Variants in HS2ST1 observed in about 807,000 individuals in gnomAD.
The protein encoded by HS2ST1 is heparan sulfate 2-O-sulfotransferase 1, also known as 2-O-sulfotransferase.
Under a neutral mutation model 42.9 loss-of-function variants are expected in HS2ST1, and 18 were observed. The observed-to-expected ratio is 0.42, with a 90% CI of 0.29 to 0.62. The LOEUF (loss-of-function observed/expected upper bound fraction) is 0.62. HS2ST1 is among the 20% of genes least tolerant of loss of function. The probability of loss-of-function intolerance (pLI) is 0.21; values close to 1 mark genes in which losing one functional copy is unlikely to be tolerated. For synonymous variants in HS2ST1, 146 were observed against 152.9 expected (o/e 0.95, Z 0.33); for missense variants, 334 against 433.8 (o/e 0.77, Z 2.04).
chr1:86,937,569 A>G (rs546863499), intron 1 of HS2ST1, among the ~76,000 whole-genome samples: 61 of 152,266 alleles, frequency 4.0e-4, no homozygotes, highest in Middle Eastern at 3.4e-3. Context: ...CCTTGGTTTT[A>G]CTCAGCTTCC....
intron 1 of HS2ST1, among the ~76,000 whole-genome samples, chr1:86,935,389 T>G (rs927657363): frequency 4.0e-5 from 6 of 151,506 alleles, no homozygotes; most frequent in Non-Finnish European, 8.8e-5. Flanking sequence ...TCTCTGGAAA[T>G]TTATTTCTCT....
chr1:87,031,682 T>G (rs889269267), intron 1 of HS2ST1, among the ~76,000 whole-genome samples: 1 of 152,262 alleles, frequency 6.6e-6, no homozygotes, highest in African/African-American at 2.4e-5. Flanking sequence ...GGAGTAGCAC[T>G]TCTTTGAGTT....
intron 5 of HS2ST1, among the ~76,000 whole-genome samples, chr1:87,101,587 C>T (rs1340637510): frequency 6.6e-6 from 1 of 152,228 alleles, no homozygotes; most frequent in Non-Finnish European, 1.5e-5. Flanking sequence ...TTCTTCATTT[C>T]CCTCTGAGAC....
intron 1 of HS2ST1, among the ~76,000 whole-genome samples, chr1:87,012,178 C>T (rs148980258): frequency 1.3e-5 from 2 of 152,114 alleles, no homozygotes; most frequent in African/African-American, 4.8e-5. Flanking sequence ...CACTTTTATC[C>T]AAATCATAGA....
At chr1:86,921,074 GT>G (rs1660282552) in intron 1 of HS2ST1, among the ~76,000 whole-genome samples, 1 of 147,696 alleles carries the variant, frequency 6.8e-6, no homozygotes, top group Non-Finnish European at 1.5e-5. Context: ...AATATATACA[GT>G]TTTGTCAATT....
chr1:87,095,059 C>A (rs72955595), intron 4 of HS2ST1, among the ~76,000 whole-genome samples: 5,986 of 152,166 alleles, frequency 0.039, 394 homozygotes, highest in African/African-American at 0.14. Context: ...TTATGATACA[C>A]ATGTTGGTAA....
chr1:87,109,578 TAAAG>T lies in HS2ST1; in HGVS notation c.*4885_*4888del, dbSNP rs1472183138. 10 of 152,106 alleles carry T rather than the reference TAAAG, an allele frequency of 6.6e-5. No homozygotes were observed. The highest frequency in any genetic ancestry group is 1.9e-4 in the African/African-American group (8 of 41,454). The allele number at this position is 152,106 out of a possible 1,614,324, so 9.4% of individuals were successfully genotyped here. On this transcript the variant is annotated 3_prime_UTR_variant, in exon 7 of 7. Coordinates refer to ENST00000370550, the MANE Select transcript of HS2ST1 (RefSeq NM_012262.4). ...CATTTCTGATTTTTTTTTTCCCCCT[TAAAG>T]AAGAAAGTCTCAATTCCATTGATTT...
At chr1:87,047,201 TA>T (rs1650703084) in intron 1 of HS2ST1, among the ~76,000 whole-genome samples, 1 of 152,202 alleles carries the variant, frequency 6.6e-6, no homozygotes, top group African/African-American at 2.4e-5. Flanking sequence ...TTATTTTCTC[TA>T]ATGACAAACG....
chr1:87,108,026 G>A lies in HS2ST1; in HGVS notation c.*3330G>A, dbSNP rs1652365449. 3 of 151,996 alleles carry A rather than the reference G, an allele frequency of 2.0e-5. No individual in the cohort carries two copies. Among genetic ancestry groups the A allele is most frequent in the Admixed American group, 1.3e-4 (2 of 15,246 alleles). 9.4% of individuals were successfully genotyped at this position (151,996 alleles called of 1,614,324 possible). ...AAAATTTGGTTAATGCCTATAATCT[G>A]TTGCTTTTTCTCAATATGTGTCCTA... On this transcript the variant is annotated 3_prime_UTR_variant, in exon 7 of 7. Coordinates refer to ENST00000370550, the MANE Select transcript of HS2ST1 (RefSeq NM_012262.4).
chr1:87,018,625 C>T (rs926915159), intron 1 of HS2ST1, among the ~76,000 whole-genome samples: 2 of 152,186 alleles, frequency 1.3e-5, no homozygotes, highest in Non-Finnish European at 2.9e-5. Context: ...GACAGATTTC[C>T]AGCAAGTTCT....
intron 1 of HS2ST1, among the ~76,000 whole-genome samples, chr1:86,990,628 A>G (rs918510895): frequency 6.6e-6 from 1 of 150,882 alleles, no homozygotes; most frequent in South Asian, 2.1e-4. Context: ...CAATCCAGAT[A>G]ATTATTGGAT....
At chr1:86,984,906 CAAAA>C (rs34820915) in intron 1 of HS2ST1, among the ~76,000 whole-genome samples, 11 of 118,046 alleles carry the variant, frequency 9.3e-5, no homozygotes, top group Admixed American at 1.7e-4. Context: ...ATCTCCGTCT[CAAAA>C]AAAAAAAAAA....
At chr1:87,100,768 A>T (rs948928939) in intron 5 of HS2ST1, among the ~76,000 whole-genome samples, 3 of 152,116 alleles carry the variant, frequency 2.0e-5, no homozygotes, top group South Asian at 4.2e-4. Context: ...TACAAAACAT[A>T]AAGTTAGCCA....
At chr1:86,958,096 G>T (rs1647726551) in intron 1 of HS2ST1, among the ~76,000 whole-genome samples, 1 of 151,992 alleles carries the variant, frequency 6.6e-6, no homozygotes, top group African/African-American at 2.4e-5. Flanking sequence ...CCAGCTAAGG[G>T]GTTTATATAT....
At chr1:86,993,051 T>C (rs1206679460) in intron 1 of HS2ST1, 2 of 1,581,514 alleles carry the variant, frequency 1.3e-6, no homozygotes, top group South Asian at 2.3e-5. Context: ...ATGACTGGCA[T>C]CAGGGGAAGG....
intron 1 of HS2ST1, among the ~76,000 whole-genome samples, chr1:87,021,712 C>T (rs1018243920): frequency 3.3e-5 from 5 of 152,102 alleles, no homozygotes; most frequent in Non-Finnish European, 4.4e-5. Context: ...GACACAGTCT[C>T]ACTTTGTTGC....
intron 2 of HS2ST1, among the ~76,000 whole-genome samples, chr1:87,074,091 G>T (rs533109508): frequency 1.3e-5 from 2 of 152,284 alleles, no homozygotes; most frequent in South Asian, 4.1e-4. Context: ...CAAGACTAAG[G>T]TTGGCTTTCT....
At chr1:87,007,958 A>G (rs925460114) in intron 1 of HS2ST1, among the ~76,000 whole-genome samples, 1 of 152,158 alleles carries the variant, frequency 6.6e-6, no homozygotes, top group Non-Finnish European at 1.5e-5. Context: ...TTAAAGTAAA[A>G]GTTATTTTTT....
chr1:87,032,380 C>T (rs543603929), intron 1 of HS2ST1, among the ~76,000 whole-genome samples: 1 of 152,058 alleles, frequency 6.6e-6, no homozygotes, highest in Non-Finnish European at 1.5e-5. Flanking sequence ...TCTTTCCCAG[C>T]CTTGTATAAC....
Sources: allele counts gnomAD v4.1 joint callset (sites outside exome capture counted in the v4.1 genomes callset), GRCh38; gene constraint gnomAD v4.1.1; transcripts MANE v1.5; gene names NCBI Gene and HGNC (gene_info 2026-07-23, HGNC 2026-07-21).